Variants in NRXN1 observed in about 807,000 individuals in gnomAD.
NRXN1 encodes neurexin 1.
NRXN1 carries 39 observed loss-of-function variants against 150.9 expected under a neutral mutation model. The ratio of observed to expected loss-of-function variants is 0.26; its 90% CI spans 0.20 to 0.34. NRXN1 has a LOEUF of 0.34. NRXN1 is among the 10% of genes least tolerant of loss of function. NRXN1 has a pLI of 1.00. For synonymous variants in NRXN1, 924 were observed against 757.0 expected (o/e 1.22, Z -3.62); for missense variants, 1,815 against 1,949.9 (o/e 0.93, Z 1.30).
chr2:50,966,760 G>C (rs1694171525), intron 2 of NRXN1, among the ~76,000 whole-genome samples: 1 of 151,814 alleles, frequency 6.6e-6, no homozygotes, highest in African/African-American at 2.4e-5. Context: ...GGTAGTAATG[G>C]AAATTAATGG....
intron 17 of NRXN1, among the ~76,000 whole-genome samples, chr2:50,242,679 T>G (rs1056585244): frequency 1.1e-4 from 17 of 151,714 alleles, no homozygotes; most frequent in African/African-American, 4.1e-4. Flanking sequence ...GCCCTCAATG[T>G]TACATATGCA....
chr2:50,779,306 T>G (rs1704043540), intron 5 of NRXN1, among the ~76,000 whole-genome samples: 1 of 152,210 alleles, frequency 6.6e-6, no homozygotes, highest in Non-Finnish European at 1.5e-5. Context: ...TTGCTGAGAA[T>G]GATGGTTTTT....
At chr2:50,149,620 T>A (rs999920069) in intron 18 of NRXN1, among the ~76,000 whole-genome samples, 2 of 151,752 alleles carry the variant, frequency 1.3e-5, no homozygotes, top group Admixed American at 1.3e-4. Context: ...TACTATGTTT[T>A]ACTCTTCCTC....
In NRXN1 at chr2:50,106,462, G is replaced by A. The variant is rs1307402014; in HGVS notation, c.3547-14968C>T. 2.0e-5 allele frequency among the ~76,000 whole-genome samples: 3 copies of A among 151,958 alleles called. No individual in the cohort carries two copies. The East Asian group carries it at 5.8e-4, about 29-fold the overall frequency. ...AGAAGAATATTTAATATCAGCTTTG[G>A]TTGCACTGCAATTAGCAATTAACAA... On this transcript the variant is annotated intron_variant, in intron 18 of 22. Transcript: ENST00000401669.
At chr2:50,369,260 CCGAA>C (rs2079831489) in intron 17 of NRXN1, among the ~76,000 whole-genome samples, 1 of 151,786 alleles carries the variant, frequency 6.6e-6, no homozygotes, top group Admixed American at 6.6e-5. Flanking sequence ...ACCAAAAAAC[CCGAA>C]TGAATACATT....
Position 51,028,243 on chromosome 2 carries a change from A to G in NRXN1, c.31T>C (p.Cys11Arg), listed in dbSNP as rs1575279892. The G allele has an allele frequency of 6.8e-7, 1 of 1,466,130 alleles. No individual in the cohort carries two copies. The highest frequency in any genetic ancestry group is 9.0e-7 in the Non-Finnish European group (1 of 1,116,030). 90.8% of individuals were successfully genotyped at this position (1,466,130 alleles called of 1,614,324 possible). A position where few individuals can be genotyped will look rare whatever the true frequency, so the allele number is the denominator to read the frequency against. Residue 11 changes from cysteine (C) to arginine (R), a missense_variant, in exon 2 of 23, where the codon TGT becomes CGT. By Grantham distance (180) the Cys-to-Arg change is radical (BLOSUM62 -3). Coordinates refer to ENST00000401669, the MANE Select transcript of NRXN1 (RefSeq NM_001330078.2). ...AGCAGCGAGAGGCACAGAAGAAAAC[A>G]GCCCCCGCGCTGGAGCAGCGCCGTC... MGTALLQRGG[C>R]FLLCLSLLLL...
At chr2:49,997,937 G>A (rs187853026) in intron 21 of NRXN1, among the ~76,000 whole-genome samples, 46 of 152,260 alleles carry the variant, frequency 3.0e-4, no homozygotes, top group East Asian at 5.8e-4. Context: ...CCTGTTTCAA[G>A]TCTTGGGTTG....
At chr2:50,502,339 C>A (rs1163799875) in intron 13 of NRXN1, among the ~76,000 whole-genome samples, 1 of 152,074 alleles carries the variant, frequency 6.6e-6, no homozygotes, top group African/African-American at 2.4e-5. Flanking sequence ...GACAAACAGT[C>A]GTAAAGTAAT....
chr2:50,737,910 T>A (rs1364978461), intron 5 of NRXN1, among the ~76,000 whole-genome samples: 1 of 152,078 alleles, frequency 6.6e-6, no homozygotes, highest in Non-Finnish European at 1.5e-5. Context: ...TTTTTTTTAA[T>A]CACTGGCACA....
At chr2:50,891,849 G>C (rs911753373) in intron 5 of NRXN1, among the ~76,000 whole-genome samples, 1 of 152,036 alleles carries the variant, frequency 6.6e-6, no homozygotes, top group African/African-American at 2.4e-5. Flanking sequence ...ATATTCACTT[G>C]TTTCTTCATT....
intron 8 of NRXN1, among the ~76,000 whole-genome samples, chr2:50,614,722 T>A (rs1218845359): frequency 1.1e-5 from 1 of 88,802 alleles, no homozygotes; most frequent in Non-Finnish European, 2.1e-5. Context: ...ATTAAACTAA[T>A]ATCAGCCATT....
At chr2:51,031,508 C>T (rs1671544152) in intron 1 of NRXN1, among the ~76,000 whole-genome samples, 1 of 151,944 alleles carries the variant, frequency 6.6e-6, no homozygotes, top group African/African-American at 2.4e-5. Context: ...CTTATTATTT[C>T]ACCCCTGGCT....
intron 5 of NRXN1, among the ~76,000 whole-genome samples, chr2:50,843,835 C>T (rs1673225311): frequency 6.6e-6 from 1 of 152,136 alleles, no homozygotes; most frequent in Admixed American, 6.5e-5. Flanking sequence ...CTTCTCTGAA[C>T]CCCTTCCCTC....
intron 17 of NRXN1, among the ~76,000 whole-genome samples, chr2:50,321,986 T>C (rs1380344461): frequency 6.7e-6 from 1 of 150,302 alleles, no homozygotes; most frequent in Non-Finnish European, 1.5e-5. Flanking sequence ...GATGCTTAGA[T>C]TAGCAAAGTG....
At chr2:50,022,229 G>A (rs1440006379) in intron 21 of NRXN1, among the ~76,000 whole-genome samples, 4 of 150,214 alleles carry the variant, frequency 2.7e-5, no homozygotes, top group East Asian at 2.0e-4. Context: ...TGATCTGCCC[G>A]CCTCAGCCTC....
chr2:50,884,012 G>A (rs1045753802), intron 5 of NRXN1, among the ~76,000 whole-genome samples: 3 of 151,734 alleles, frequency 2.0e-5, no homozygotes, highest in African/African-American at 7.3e-5. Flanking sequence ...CACTGAGTTT[G>A]TGAAAATTCA....
chr2:50,495,376 GTGTGGTGTGTGTGT>G (rs548446068), intron 15 of NRXN1, among the ~76,000 whole-genome samples: 1,882 of 10,404 alleles, frequency 0.18, 36 homozygotes, highest in African/African-American at 0.4. Context: ...GTGTGTGTGT[GTGTGGTGTGTGTGT>G]GTGTGTGTGT....
intron 5 of NRXN1, among the ~76,000 whole-genome samples, chr2:50,828,836 G>T (rs1445026216): frequency 6.6e-6 from 1 of 152,218 alleles, no homozygotes; most frequent in Admixed American, 6.5e-5. Flanking sequence ...TGGCGGCCAG[G>T]CAGAGGCTGC....
At chr2:50,631,562 A>G (rs538612104) in intron 5 of NRXN1, among the ~76,000 whole-genome samples, 55 of 152,010 alleles carry the variant, frequency 3.6e-4, no homozygotes, top group African/African-American at 1.2e-3. Flanking sequence ...CCATAAAATG[A>G]GCTTCTAATT....
Sources: gnomAD v4.1 joint callset for allele counts (sites outside exome capture counted in the v4.1 genomes callset) on GRCh38, gnomAD v4.1.1 for gene constraint, MANE v1.5 for transcripts, NCBI Gene and HGNC (gene_info 2026-07-23, HGNC 2026-07-21) for gene names.